TLN2: variants seen among roughly 807,000 people sequenced by gnomAD.
TLN2 encodes the protein talin 2.
Under a neutral mutation model 294.7 loss-of-function variants are expected in TLN2, and 118 were observed. That is an observed-to-expected ratio of 0.40 (90% CI 0.34 to 0.47). The LOEUF (loss-of-function observed/expected upper bound fraction) is 0.47, where lower values mean the gene tolerates loss of function less well. Ranked by LOEUF, TLN2 falls within the 20% of genes least tolerant of loss-of-function variation. The pLI, the probability that TLN2 is intolerant of heterozygous loss-of-function variation, is 0.84. For missense variants in TLN2, 3,083 were observed against 3,282.2 expected, an observed-to-expected ratio of 0.94 and a Z score of 1.48; for synonymous variants, 1,431 against 1,304.5, an observed-to-expected ratio of 1.10 and a Z score of -2.09.
intron 1 of TLN2, among the ~76,000 whole-genome samples, chr15:62,465,521 C>G (rs1221239889): frequency 6.6e-6 from 1 of 152,156 alleles, no homozygotes; most frequent in African/African-American, 2.4e-5. Context: ...GTTCTCGAAA[C>G]TATCGGGTTA....
intron 3 of TLN2, among the ~76,000 whole-genome samples, chr15:62,624,608 A>C (rs1489910062): frequency 8.0e-6 from 1 of 125,224 alleles, no homozygotes; most frequent in Non-Finnish European, 1.7e-5. Flanking sequence ...AGAAATAGAT[A>C]AGCTTTGATG....
At chr15:62,623,446 C>A (rs1035462532) in intron 3 of TLN2, among the ~76,000 whole-genome samples, 1 of 152,208 alleles carries the variant, frequency 6.6e-6, no homozygotes, top group Non-Finnish European at 1.5e-5. Context: ...AACCAACTTA[C>A]ATTCATGAGC....
intron 1 of TLN2, among the ~76,000 whole-genome samples, chr15:62,438,228 G>A (rs2035385593): frequency 6.6e-6 from 1 of 152,124 alleles, no homozygotes. Flanking sequence ...GGGAAAACAG[G>A]GGCACTGGGG....
intron 58 of TLN2, 27 bp from the exon 59 acceptor site, chr15:62,840,455 C>T: frequency 6.2e-7 from 1 of 1,613,374 alleles, no homozygotes; most frequent in Non-Finnish European, 8.5e-7. Flanking sequence ...AGTGTTAGGT[C>T]CATCCAGCTT....
At chr15:62,585,842 C>T (rs1347531722) in intron 1 of TLN2, among the ~76,000 whole-genome samples, 1 of 152,062 alleles carries the variant, frequency 6.6e-6, no homozygotes, top group Non-Finnish European at 1.5e-5. Context: ...TCTCTAGGGA[C>T]CTTGTTATGA....
At chr15:62,730,241 C>T (rs956334603) in intron 28 of TLN2, among the ~76,000 whole-genome samples, 9 of 151,990 alleles carry the variant, frequency 5.9e-5, no homozygotes, top group Admixed American at 1.3e-4. Flanking sequence ...GGGGTTTCAC[C>T]GTGTTGGCCA....
intron 1 of TLN2, among the ~76,000 whole-genome samples, chr15:62,511,066 G>A (rs976294480): frequency 3.3e-5 from 5 of 152,296 alleles, no homozygotes; most frequent in South Asian, 2.1e-4. Context: ...CAGCTAAGTC[G>A]TCTTTCTGTC....
At chr15:62,637,870 G>C (rs975904642) in intron 3 of TLN2, 1 of 152,280 alleles carries the variant, frequency 6.6e-6, no homozygotes, top group African/African-American at 2.4e-5. Context: ...AGGACCTGGA[G>C]CAGAGGGTGG....
chr15:62,816,167 T>C (rs2067099777), intron 52 of TLN2, among the ~76,000 whole-genome samples: 1 of 152,214 alleles, frequency 6.6e-6, no homozygotes, highest in Admixed American at 6.5e-5. Context: ...TCAACAAACA[T>C]AGGATCTAAT....
chr15:62,541,653 C>T (rs2041694804), intron 1 of TLN2, among the ~76,000 whole-genome samples: 1 of 152,038 alleles, frequency 6.6e-6, no homozygotes, highest in Admixed American at 6.6e-5. Context: ...GAGAATGAGC[C>T]ATAGACGGCA....
chr15:62,466,735 C>T (rs562453915), intron 1 of TLN2, among the ~76,000 whole-genome samples: 13 of 152,330 alleles, frequency 8.5e-5, no homozygotes, highest in Admixed American at 7.8e-4. Flanking sequence ...GGAAAGTGGT[C>T]AACACAGTTC....
At chr15:62,825,000 C>G (rs977095250) in intron 54 of TLN2, among the ~76,000 whole-genome samples, 2 of 152,192 alleles carry the variant, frequency 1.3e-5, no homozygotes, top group African/African-American at 4.8e-5. Flanking sequence ...ACATTGCTTA[C>G]AGGTGAATGC....
At chr15:62,398,401 A>G (rs2032738777) in intron 1 of TLN2, among the ~76,000 whole-genome samples, 1 of 152,026 alleles carries the variant, frequency 6.6e-6, no homozygotes, top group Non-Finnish European at 1.5e-5. Context: ...TAAATTACCC[A>G]GTCTTGGGTA....
chr15:62,838,890 A>G lies in TLN2; in HGVS notation c.7409A>G (p.Asn2470Ser), dbSNP rs781005743. 14 of 1,610,828 alleles carry G rather than the reference A, an allele frequency of 8.7e-6. No homozygotes were observed. The East Asian group carries it at 1.6e-4, about 18-fold the overall frequency. ...AATGCTGTGAAAAGAGCCTCAGACA[A>G]TCTTGTCCGTGCAGCCCAGAAGGCA... is the stretch of plus-strand genomic sequence containing the variant. ...AGNAVKRASD[N>S]LVRAAQKAAF... The change falls in exon 58 of 59, where the codon AAT (asparagine) becomes AGT (serine). Residue 2470 changes from asparagine (N) to serine (S), a missense_variant. Physicochemically the swap from Asn to Ser is conservative, Grantham distance 46 (BLOSUM62 1). Coordinates refer to ENST00000636159, the MANE Select transcript of TLN2 (RefSeq NM_015059.3).
intron 9 of TLN2, among the ~76,000 whole-genome samples, chr15:62,660,601 G>C (rs1200286741): frequency 6.6e-6 from 1 of 152,170 alleles, no homozygotes; most frequent in Non-Finnish European, 1.5e-5. Context: ...CTAGTAATCA[G>C]GTATTTGCTT....
rs183811063 is a variant in TLN2 at position 62,773,226 on chromosome 15, C to T, written c.5367+2092C>T. Among the ~76,000 whole-genome samples, 19 of 145,940 alleles carry T rather than the reference C, an allele frequency of 1.3e-4. No homozygotes were observed. In the East Asian group the frequency reaches 3.6e-3, roughly 28 times the overall value. On this transcript the variant is annotated intron_variant, in intron 42 of 58. Coordinates refer to ENST00000636159, the MANE Select transcript of TLN2 (RefSeq NM_015059.3). ...TCAGCCTCCCAAGTACCTGGGATTA[C>T]AGGTGCAAGCCACAACACCCAGCTT...
At chr15:62,698,057 C>T (rs1468498871) in intron 15 of TLN2, among the ~76,000 whole-genome samples, 189 bp downstream of exon 15, 1 of 152,168 alleles carries the variant, frequency 6.6e-6, no homozygotes, top group Non-Finnish European at 1.5e-5. Flanking sequence ...CGGAGGTGTC[C>T]TCTGTGACTG....
intron 1 of TLN2, among the ~76,000 whole-genome samples, chr15:62,573,288 T>C (rs1406738111): frequency 6.6e-6 from 1 of 152,116 alleles, no homozygotes. Flanking sequence ...CTTCCTTCTT[T>C]ACCTGGCTCC....
chr15:62,789,929 AG>A, intron 45 of TLN2, among the ~76,000 whole-genome samples: 1 of 152,244 alleles, frequency 6.6e-6, no homozygotes, highest in East Asian at 1.9e-4. Flanking sequence ...GGCAGAAAGG[AG>A]CTTTTGAGTG....
Sources: allele counts gnomAD v4.1 joint callset (sites outside exome capture counted in the v4.1 genomes callset), GRCh38; gene constraint gnomAD v4.1.1; transcripts MANE v1.5; gene names NCBI Gene and HGNC (gene_info 2026-07-23, HGNC 2026-07-21).